CREBBP: variants seen among roughly 807,000 people sequenced by gnomAD.
CREBBP encodes CREB binding lysine acetyltransferase.
CREBBP carries 19 observed loss-of-function variants against 265.0 expected under a neutral mutation model. The observed-to-expected ratio is 0.07, with a 90% CI of 0.05 to 0.11. CREBBP has a LOEUF of 0.11. CREBBP is among the 10% of genes least tolerant of loss of function. The pLI, the probability that CREBBP is intolerant of heterozygous loss-of-function variation, is 1.00. For synonymous variants in CREBBP, 1,457 were observed against 1,223.7 expected (o/e 1.19, Z -3.98); for missense variants, 2,525 against 3,219.0 (o/e 0.78, Z 5.22).
intron 3 of CREBBP, 102 bp from the exon 4 acceptor site, chr16:3,793,728 C>T (rs538317949): frequency 8.0e-5 from 110 of 1,370,240 alleles, no homozygotes; most frequent in Non-Finnish European, 1.0e-4. Flanking sequence ...TGGATAATAC[C>T]GACCACAGAG....
intron 2 of CREBBP, among the ~76,000 whole-genome samples, chr16:3,817,493 C>G (rs2054061756): frequency 6.7e-6 from 1 of 149,430 alleles, no homozygotes; most frequent in Non-Finnish European, 1.5e-5. Flanking sequence ...CTAACTCCCC[C>G]TTCTCTCAAG....
chr16:3,758,087 C>A lies in CREBBP; in HGVS notation c.3370-39G>T, dbSNP rs2052629321. On this transcript the variant is annotated intron_variant, in intron 17 of 30. Coordinates refer to ENST00000262367, the MANE Select transcript of CREBBP (RefSeq NM_004380.3). ...AAATGGTCTCAGTATAGGGAATCCC[C>A]CAATATCCAAATGCCAGTCTCATCT... 1.9e-6 allele frequency: 3 copies of A among 1,609,258 alleles called. No individual in the cohort carries two copies. In the East Asian group the frequency reaches 6.7e-5, roughly 36 times the overall value.
chr16:3,748,007 T>G (rs570354141), intron 21 of CREBBP, among the ~76,000 whole-genome samples: 1 of 152,324 alleles, frequency 6.6e-6, no homozygotes, highest in African/African-American at 2.4e-5. Flanking sequence ...GGAGAATCGC[T>G]TGAACCCGGG....
rs1334027301 is a variant in CREBBP, at chr16:3,777,607, C to A, written c.2158+6G>T. The A allele has an allele frequency of 6.2e-7, 1 of 1,614,024 alleles. No individual in the cohort carries two copies. Among genetic ancestry groups the A allele is most frequent in the Non-Finnish European group, 8.5e-7 (1 of 1,179,968 alleles). On this transcript the variant is annotated splice_donor_region_variant and intron_variant, in intron 11 of 30. Coordinates refer to ENST00000262367, the MANE Select transcript of CREBBP (RefSeq NM_004380.3). Reference sequence around the variant, plus strand: ...AAAATATGATTCACCACAAACAGTTCAATACCTTGAGAAACTTGCATGCGA... The same window carrying A: ...AAAATATGATTCACCACAAACAGTTAAATACCTTGAGAAACTTGCATGCGA...
chr16:3,774,534 G>T (rs1375149870), intron 12 of CREBBP, 35 bp downstream of exon 12: 1 of 1,613,416 alleles, frequency 6.2e-7, no homozygotes, highest in Non-Finnish European at 8.5e-7. Flanking sequence ...GTGAGAGGGA[G>T]GGCTATCTGC....
At chr16:3,877,910 A>C (rs2055437275) in intron 1 of CREBBP, among the ~76,000 whole-genome samples, 1 of 152,230 alleles carries the variant, frequency 6.6e-6, no homozygotes, top group South Asian at 2.1e-4. Context: ...AAGGATCAAA[A>C]TTGTAAAGGA....
chr16:3,879,741 C>A (rs1433755705), intron 1 of CREBBP, 91 bp downstream of exon 1: 1 of 1,361,728 alleles, frequency 7.3e-7, no homozygotes, highest in East Asian at 2.5e-5. Context: ...CCGGCTCGAT[C>A]GGTATCCGCG....
chr16:3,840,872 A>T (rs2054553319), intron 2 of CREBBP: 1 of 156,192 alleles, frequency 6.4e-6, no homozygotes, highest in Non-Finnish European at 1.5e-5. Flanking sequence ...GAGAACTAAC[A>T]AACACTGGGC....
At chr16:3,796,448 G>A (rs1042315692) in intron 3 of CREBBP, among the ~76,000 whole-genome samples, 6 of 150,688 alleles carry the variant, frequency 4.0e-5, no homozygotes, top group African/African-American at 7.4e-5. Context: ...GTGCAGTGGC[G>A]CCACCTCAGC....
intron 13 of CREBBP, among the ~76,000 whole-genome samples, chr16:3,772,283 C>T (rs1286862234): frequency 6.7e-6 from 1 of 148,236 alleles, no homozygotes; most frequent in African/African-American, 2.5e-5. Context: ...CCATAAGTAC[C>T]CTTAACAATT....
chr16:3,867,922 T>C lies in CREBBP; in HGVS notation c.85+11910A>G, dbSNP rs2055210847. 1.3e-5 allele frequency among the ~76,000 whole-genome samples: 2 copies of C among 151,926 alleles called. 1 individual carries two copies. Among genetic ancestry groups the C allele is most frequent in the South Asian group, 4.2e-4 (2 of 4,818 alleles). ...GCCTGGCGGACAGAGTGAGACCCTG[T>C]CTCAAAATAAATAAAAATAAATTTA... On this transcript the variant is annotated intron_variant, in intron 1 of 30. Transcript: ENST00000262367.
intron 25 of CREBBP, chr16:3,739,329 C>T: frequency 1.9e-6 from 1 of 534,678 alleles, no homozygotes; most frequent in South Asian, 2.1e-5. Context: ...CCCAGGTTTA[C>T]CTGCGTTAGG....
intron 1 of CREBBP, among the ~76,000 whole-genome samples, chr16:3,851,636 C>T (rs1030749788): frequency 2.6e-5 from 4 of 152,088 alleles, no homozygotes; most frequent in South Asian, 2.1e-4. Flanking sequence ...AGGCGGATCA[C>T]GAGGTCAGGA....
intron 2 of CREBBP, among the ~76,000 whole-genome samples, chr16:3,849,440 T>A (rs2054760690): frequency 6.7e-5 from 1 of 14,866 alleles, no homozygotes; most frequent in African/African-American, 1.0e-4. Flanking sequence ...TGTGTGTGTG[T>A]GTGTGTGTGT....
chr16:3,789,666 T>G (rs2053462748), intron 5 of CREBBP, among the ~76,000 whole-genome samples: 2 of 151,922 alleles, frequency 1.3e-5, no homozygotes, highest in South Asian at 4.1e-4. Context: ...ACAATAAAAT[T>G]TACAAAAAGG....
At position 3,731,956 on chromosome 16, in the gene CREBBP, C is replaced by T. The variant is rs1567266076; in HGVS notation, c.4729-19G>A. On this transcript the variant is annotated intron_variant, in intron 28 of 30. Coordinates refer to ENST00000262367, the MANE Select transcript of CREBBP (RefSeq NM_004380.3). The surrounding 1 kb of genome is among the most constrained non-coding windows in gnomAD (Gnocchi z 7.7). ...GACTGCCCTGCAACAACACGCAAGG[C>T]TGTGAGACCAGGCAAGTGCCCCTCC... 2.5e-6 allele frequency: 4 copies of T among 1,614,198 alleles called. No homozygotes were observed. Among genetic ancestry groups the T allele is most frequent in the Admixed American group, 1.7e-5 (1 of 60,032 alleles).
At chr16:3,801,416 T>C (rs1326749534) in intron 3 of CREBBP, among the ~76,000 whole-genome samples, 1 of 152,182 alleles carries the variant, frequency 6.6e-6, no homozygotes, top group East Asian at 1.9e-4. Flanking sequence ...ACACCTGTAA[T>C]CCAGCCCTTT....
At chr16:3,803,555 A>G (rs779642068) in intron 3 of CREBBP, among the ~76,000 whole-genome samples, 4 of 152,128 alleles carry the variant, frequency 2.6e-5, no homozygotes, top group Non-Finnish European at 5.9e-5. Context: ...ATAGGGAAAT[A>G]ATCCAGAATG....
intron 2 of CREBBP, among the ~76,000 whole-genome samples, chr16:3,834,983 C>T (rs947499155): frequency 6.6e-6 from 1 of 152,020 alleles, no homozygotes; most frequent in African/African-American, 2.4e-5. Context: ...ACGGTGAAAC[C>T]CCGTCTCTAG....
Sources: gnomAD v4.1 joint callset for allele counts (sites outside exome capture counted in the v4.1 genomes callset) on GRCh38, gnomAD v4.1.1 for gene constraint, Gnocchi (gnomAD v3.1) non-coding constraint, MANE v1.5 for transcripts, NCBI Gene and HGNC (gene_info 2026-07-23, HGNC 2026-07-21) for gene names.